Variants in CADM2 observed in about 807,000 individuals in gnomAD.
CADM2 encodes the protein immunoglobulin superfamily member 4D.
CADM2 carries 12 observed loss-of-function variants against 49.8 expected under a neutral mutation model. That is an observed-to-expected ratio of 0.24 (90% CI 0.15 to 0.39). CADM2 has a LOEUF of 0.39. CADM2 is among the 10% of genes least tolerant of loss of function. The pLI, the probability that CADM2 is intolerant of heterozygous loss-of-function variation, is 1.00. For missense variants in CADM2, 378 were observed against 492.3 expected, an observed-to-expected ratio of 0.77 and a Z score of 2.20; for synonymous variants, 214 against 175.4, an observed-to-expected ratio of 1.22 and a Z score of -1.74.
At chr3:85,572,465 CAGAG>C (rs1212540921) in intron 1 of CADM2, among the ~76,000 whole-genome samples, 3 of 151,926 alleles carry the variant, frequency 2.0e-5, no homozygotes, top group African/African-American at 7.3e-5. Flanking sequence ...CAGAGAGAGA[CAGAG>C]AGAGGGGAGA....
At chr3:85,910,373 G>A (rs984999265) in intron 5 of CADM2, among the ~76,000 whole-genome samples, 3 of 152,064 alleles carry the variant, frequency 2.0e-5, no homozygotes, top group Non-Finnish European at 4.4e-5. Flanking sequence ...CAACATATTT[G>A]TATAAATCTA....
intron 2 of CADM2, among the ~76,000 whole-genome samples, chr3:85,753,321 G>A (rs984246440): frequency 2.0e-5 from 3 of 152,002 alleles, no homozygotes; most frequent in African/African-American, 7.3e-5. Context: ...GAAGAAAGAG[G>A]AAGGGGAAAG....
intron 3 of CADM2, among the ~76,000 whole-genome samples, chr3:85,832,494 C>G (rs1157755935): frequency 6.6e-6 from 1 of 151,780 alleles, no homozygotes; most frequent in African/African-American, 2.4e-5. Flanking sequence ...ATTTCTTCAT[C>G]AGTTTTTGTA....
At position 85,955,819 on chromosome 3, in the gene CADM2, T is replaced by TA. The variant is rs546286941; in HGVS notation, c.792-5642dup. Among the ~76,000 whole-genome samples the TA allele has an allele frequency of 1.1e-3, 160 of 151,528 alleles. 1 individual carries two copies. The highest frequency in any genetic ancestry group is 3.5e-3 in the African/African-American group (146 of 41,450). ...CAAAACACCGAGTTAATAGGTTTTC[T>TA]AAAAAAAATCTGTTCAGATTGAAAA... On this transcript the variant is annotated intron_variant, in intron 7 of 9. Coordinates refer to ENST00000383699, the MANE Select transcript of CADM2 (RefSeq NM_001167675.2).
chr3:84,978,669 G>A (rs1559599471), intron 1 of CADM2, among the ~76,000 whole-genome samples: 1 of 152,050 alleles, frequency 6.6e-6, no homozygotes, highest in East Asian at 1.9e-4. Context: ...GAGTCTAAAT[G>A]TATTTCCTGT....
intron 1 of CADM2, among the ~76,000 whole-genome samples, chr3:85,131,019 C>T (rs562986078): frequency 2.0e-5 from 3 of 152,120 alleles, no homozygotes; most frequent in South Asian, 2.1e-4. Flanking sequence ...TCCGTCTCTA[C>T]TAAAAATACA....
chr3:86,038,561 C>G (rs947852018), intron 8 of CADM2, among the ~76,000 whole-genome samples: 1 of 152,184 alleles, frequency 6.6e-6, no homozygotes, highest in Non-Finnish European at 1.5e-5. Context: ...CACCTACTTC[C>G]CCTCACAGGC....
At chr3:85,074,689 C>A (rs915261978) in intron 1 of CADM2, among the ~76,000 whole-genome samples, 2 of 152,046 alleles carry the variant, frequency 1.3e-5, no homozygotes, top group African/African-American at 4.8e-5. Flanking sequence ...GGAATTATTT[C>A]ATGATAATTC....
intron 1 of CADM2, among the ~76,000 whole-genome samples, chr3:85,182,984 T>C (rs534986664): frequency 5.3e-5 from 8 of 152,212 alleles, no homozygotes; most frequent in African/African-American, 1.9e-4. Context: ...ATGCAAAAAA[T>C]CAAGTGAATA....
chr3:85,746,502 A>G (rs2068627146), intron 2 of CADM2, among the ~76,000 whole-genome samples: 2 of 152,088 alleles, frequency 1.3e-5, no homozygotes, highest in Admixed American at 1.3e-4. Flanking sequence ...ACAAAATGGT[A>G]TTTTGTGCCA....
At chr3:85,996,264 G>A (rs1319457628) in intron 8 of CADM2, among the ~76,000 whole-genome samples, 2 of 144,666 alleles carry the variant, frequency 1.4e-5, no homozygotes, top group East Asian at 4.1e-4. Context: ...GCCTTGCCAA[G>A]TTAAAAGCTT....
chr3:86,015,073 G>C, intron 8 of CADM2: 1 of 655,286 alleles, frequency 1.5e-6, no homozygotes, highest in Middle Eastern at 4.5e-4. Context: ...CCCTATACAA[G>C]TAAGTCAGAG....
chr3:85,436,784 C>T (rs1294245515), intron 1 of CADM2, among the ~76,000 whole-genome samples: 2 of 152,156 alleles, frequency 1.3e-5, no homozygotes, highest in African/African-American at 4.8e-5. Context: ...CACTCATAAC[C>T]TCTCCCACTA....
intron 1 of CADM2, among the ~76,000 whole-genome samples, chr3:85,308,299 A>G (rs912491443): frequency 7.0e-6 from 1 of 143,328 alleles, no homozygotes; most frequent in African/African-American, 2.9e-5. Flanking sequence ...CTATATCTAT[A>G]TCTACCTCTC....
At chr3:86,055,119 A>C (rs1737768035) in intron 8 of CADM2, among the ~76,000 whole-genome samples, 1 of 152,178 alleles carries the variant, frequency 6.6e-6, no homozygotes, top group South Asian at 2.1e-4. Context: ...AGCAACCCCA[A>C]ACTAGAAAAT....
chr3:85,560,625 G>A (rs954884003), intron 1 of CADM2, among the ~76,000 whole-genome samples: 5 of 152,176 alleles, frequency 3.3e-5, no homozygotes, highest in African/African-American at 9.7e-5. Flanking sequence ...AATTGTGCAA[G>A]TACAGGATGT....
chr3:85,586,815 C>T (rs2062958562), intron 1 of CADM2, among the ~76,000 whole-genome samples: 1 of 151,992 alleles, frequency 6.6e-6, no homozygotes, highest in Non-Finnish European at 1.5e-5. Context: ...AGAAAAGTAT[C>T]CATGACACTC....
At chr3:85,205,463 C>T (rs907947569) in intron 1 of CADM2, among the ~76,000 whole-genome samples, 1 of 151,902 alleles carries the variant, frequency 6.6e-6, no homozygotes, top group Non-Finnish European at 1.5e-5. Flanking sequence ...TTAGATTTTT[C>T]TCCTGAAGTT....
chr3:85,959,060 A>ATATATCTG (rs1342146995), intron 7 of CADM2, among the ~76,000 whole-genome samples: 5 of 150,996 alleles, frequency 3.3e-5, no homozygotes, highest in African/African-American at 1.2e-4. Flanking sequence ...CTATATATCT[A>ATATATCTG]TATCTATATA....
Sources: gnomAD v4.1 joint callset for allele counts (sites outside exome capture counted in the v4.1 genomes callset) on GRCh38, gnomAD v4.1.1 for gene constraint, MANE v1.5 for transcripts, NCBI Gene and HGNC (gene_info 2026-07-23, HGNC 2026-07-21) for gene names.